The following RAPGEF2 variants were observed in gnomAD, a reference collection of about 807,000 sequenced individuals.
RAPGEF2 encodes the protein PDZ domain containing guanine nucleotide exchange factor (GEF) 1.
In RAPGEF2, 54 loss-of-function variants were observed where a neutral mutation model predicts 186.7. That is an observed-to-expected ratio of 0.29 (90% CI 0.23 to 0.36). RAPGEF2 has a LOEUF of 0.36. RAPGEF2 is among the 10% of genes least tolerant of loss of function. RAPGEF2 has a pLI of 1.00. For synonymous variants in RAPGEF2, 712 were observed against 705.9 expected (o/e 1.01, Z -0.14); for missense variants, 1,532 against 2,045.0 (o/e 0.75, Z 4.84).
Position 159,331,771 on chromosome 4 carries a change from T to G in RAPGEF2, c.1717T>G (p.Phe573Val). Residue 573 changes from phenylalanine (F) to valine (V), a missense_variant, in exon 15 of 30, where the codon TTT becomes GTT. Transcript: ENST00000691494. ...LGGSEKGFGI[F>V]VDSVDSGSKA... ...AGGCTCTGAGAAGGGATTTGGAATC[T>G]TTGTTGACAGTGTAGATTCAGGTAG... is the stretch of plus-strand genomic sequence containing the variant. 6.2e-7 allele frequency: 1 copy of G among 1,614,142 alleles called. No individual in the cohort carries two copies. The highest frequency in any genetic ancestry group is 8.5e-7 in the Non-Finnish European group (1 of 1,180,016).
At chr4:159,333,682 A>G (rs1036867346) in intron 17 of RAPGEF2, among the ~76,000 whole-genome samples, 1 of 152,080 alleles carries the variant, frequency 6.6e-6, no homozygotes, top group Non-Finnish European at 1.5e-5. Context: ...TTGCTTCTTC[A>G]TTTTAGTTCC....
At position 159,355,879 on chromosome 4, in the gene RAPGEF2, C is replaced by CCGCCG; in HGVS notation, c.4679_4680insGCCGC (p.Thr1563ArgfsTer64). 6.6e-7 allele frequency: 1 copy of CCGCCG among 1,525,658 alleles called. No homozygotes were observed. Among genetic ancestry groups the CCGCCG allele is most frequent in the Non-Finnish European group, 8.9e-7 (1 of 1,125,682 alleles). 94.5% of individuals were successfully genotyped at this position (1,525,658 alleles called of 1,614,324 possible). A position where few individuals can be genotyped will look rare whatever the true frequency, so the allele number is the denominator to read the frequency against. On this transcript the variant is annotated frameshift_variant, in exon 29 of 30. Coordinates refer to ENST00000691494, the MANE Select transcript of RAPGEF2 (RefSeq NM_001394067.2). LOFTEE classifies it high-confidence loss of function. ...ACGAAAGGAGGGCAGGTATCGAGAG[C>CCGCCG]CCCCGCCCACCCCTCCCGGCTACAT...
intron 7 of RAPGEF2, among the ~76,000 whole-genome samples, chr4:159,296,127 A>G (rs7694340): frequency 0.088 from 13,342 of 152,216 alleles, 1,958 homozygotes; most frequent in African/African-American, 0.3. Flanking sequence ...ATTAATTTAT[A>G]AAGCAAAAAG....
intron 4 of RAPGEF2, among the ~76,000 whole-genome samples, chr4:159,235,081 A>G (rs951337785): frequency 1.3e-5 from 2 of 152,142 alleles, no homozygotes; most frequent in Admixed American, 6.6e-5. Context: ...ATCTTAATCT[A>G]TACATCTGGT....
intron 4 of RAPGEF2, among the ~76,000 whole-genome samples, chr4:159,212,412 A>G (rs1750620699): frequency 6.6e-6 from 1 of 152,214 alleles, no homozygotes. Context: ...TACATTTTCA[A>G]AAATAAAGAG....
intron 7 of RAPGEF2, among the ~76,000 whole-genome samples, chr4:159,283,441 A>T (rs927966086): frequency 6.6e-6 from 1 of 152,182 alleles, no homozygotes; most frequent in African/African-American, 2.4e-5. Flanking sequence ...GATTTAAAGC[A>T]TGGTTTTTAG....
intron 23 of RAPGEF2, among the ~76,000 whole-genome samples, chr4:159,344,484 A>C (rs1041932536): frequency 2.0e-5 from 3 of 152,220 alleles, no homozygotes; most frequent in African/African-American, 7.2e-5. Context: ...CCCAGGTGTT[A>C]AACCCAAATT....
At chr4:159,274,260 T>C (rs1177603433) in intron 7 of RAPGEF2, among the ~76,000 whole-genome samples, 1 of 152,254 alleles carries the variant, frequency 6.6e-6, no homozygotes, top group African/African-American at 2.4e-5. Context: ...GAAGTACTTT[T>C]TAATGCTTAC....
intron 7 of RAPGEF2, among the ~76,000 whole-genome samples, chr4:159,271,117 T>TA (rs928341354): frequency 1.7e-4 from 26 of 152,198 alleles, no homozygotes; most frequent in African/African-American, 6.3e-4. Context: ...TTGTTAGCAT[T>TA]AAAAGTCTCT....
At chr4:159,274,371 T>C (rs1758569686) in intron 7 of RAPGEF2, among the ~76,000 whole-genome samples, 1 of 152,212 alleles carries the variant, frequency 6.6e-6, no homozygotes, top group Admixed American at 6.5e-5. Context: ...ATAACTTTAA[T>C]CATTATATAT....
chr4:159,257,254 A>G (rs925759122), intron 7 of RAPGEF2, among the ~76,000 whole-genome samples: 1 of 152,214 alleles, frequency 6.6e-6, no homozygotes, highest in African/African-American at 2.4e-5. Context: ...ACACTGGGCA[A>G]TTTACAAAAG....
intron 1 of RAPGEF2, among the ~76,000 whole-genome samples, chr4:159,157,955 C>G (rs923157560): frequency 6.6e-6 from 1 of 152,094 alleles, no homozygotes. Context: ...GGGACCGAGA[C>G]AGGCAGCAGC....
chr4:159,338,354 T>C lies in RAPGEF2; in HGVS notation c.2179T>C (p.Leu727=), dbSNP rs749406740. ...GTCTCAAGATGACAGCATAGTAGGA[T>C]TAAGGCAGACAAAGCACATCCCAAC... ...GQSQDDSIVG[L]RQTKHIPTAL... Residue 727 remains leucine (L), a synonymous_variant, in exon 18 of 30, where the codon TTA becomes CTA. Coordinates refer to ENST00000691494, the MANE Select transcript of RAPGEF2 (RefSeq NM_001394067.2). 1.2e-6 allele frequency: 2 copies of C among 1,614,068 alleles called. No individual in the cohort carries two copies. The highest frequency in any genetic ancestry group is 1.7e-6 in the Non-Finnish European group (2 of 1,180,018).
intron 1 of RAPGEF2, among the ~76,000 whole-genome samples, chr4:159,143,648 G>A (rs1271686428): frequency 6.6e-6 from 1 of 152,052 alleles, no homozygotes; most frequent in Non-Finnish European, 1.5e-5. Flanking sequence ...TACACTTAAG[G>A]CTCTGGGTAA....
At chr4:159,327,997 T>C (rs1766168563) in intron 11 of RAPGEF2, 1 of 152,164 alleles carries the variant, frequency 6.6e-6, no homozygotes, top group East Asian at 1.9e-4. Context: ...TTTTAGTACA[T>C]TTCTCTTCAT....
intron 25 of RAPGEF2, among the ~76,000 whole-genome samples, chr4:159,348,406 G>A (rs1169133809): frequency 2.0e-5 from 3 of 152,102 alleles, no homozygotes; most frequent in Non-Finnish European, 4.4e-5. Context: ...GAGTCATTTC[G>A]TAGACCCCTC....
intron 1 of RAPGEF2, among the ~76,000 whole-genome samples, chr4:159,163,380 C>G (rs1244194220): frequency 6.6e-6 from 1 of 152,122 alleles, no homozygotes; most frequent in Non-Finnish European, 1.5e-5. Context: ...TGAATAAGCA[C>G]TTTGTCTTGA....
At chr4:159,154,609 A>T (rs1474036056) in intron 1 of RAPGEF2, among the ~76,000 whole-genome samples, 3 of 151,566 alleles carry the variant, frequency 2.0e-5, no homozygotes, top group Non-Finnish European at 4.4e-5. Flanking sequence ...TTAGTGATTG[A>T]TGTTTAGCTA....
At chr4:159,119,521 T>C (rs925912519) in intron 1 of RAPGEF2, among the ~76,000 whole-genome samples, 2 of 152,188 alleles carry the variant, frequency 1.3e-5, no homozygotes, top group African/African-American at 4.8e-5. Flanking sequence ...TTACTTTGCA[T>C]AGGAGATAGA....
Sources: gnomAD v4.1 joint callset for allele counts (sites outside exome capture counted in the v4.1 genomes callset) on GRCh38, gnomAD v4.1.1 for gene constraint, MANE v1.5 for transcripts, NCBI Gene and HGNC (gene_info 2026-07-23, HGNC 2026-07-21) for gene names.